The following PTP4A1 variants were observed in gnomAD, a reference collection of about 807,000 sequenced individuals.
The protein encoded by PTP4A1 is protein tyrosine phosphatase type IVA 1.
A neutral mutation model predicts 20.5 loss-of-function variants in PTP4A1; 9 were observed. The ratio of observed to expected loss-of-function variants is 0.44; its 90% confidence interval spans 0.26 to 0.77. The LOEUF (loss-of-function observed/expected upper bound fraction) is 0.77, where lower values mean the gene tolerates loss of function less well. Ranked by LOEUF, PTP4A1 falls within the 30% of genes least tolerant of loss-of-function variation. The pLI, the probability that PTP4A1 is intolerant of heterozygous loss-of-function variation, is 0.19. For synonymous variants in PTP4A1, 78 were observed against 67.4 expected, an observed-to-expected ratio of 1.16 and a Z score of -0.77; for missense variants, 137 against 218.8, an observed-to-expected ratio of 0.63 and a Z score of 2.36.
intron 2 of PTP4A1, among the ~76,000 whole-genome samples, chr6:63,547,610 A>G (rs564738341): frequency 2.5e-4 from 35 of 141,480 alleles, no homozygotes; most frequent in Middle Eastern, 4.2e-3. Context: ...GGTTCATTCC[A>G]TTCTCCTGCC....
chr6:63,531,889 C>T (rs1422774544), intron 2 of PTP4A1, among the ~76,000 whole-genome samples: 1 of 151,646 alleles, frequency 6.6e-6, no homozygotes, highest in African/African-American at 2.4e-5. Flanking sequence ...TGCAACCTTG[C>T]CTCCCGGGTT....
upstream of PTP4A1, among the ~76,000 whole-genome samples, chr6:63,519,040 C>T (rs756308159): frequency 1.3e-5 from 2 of 152,154 alleles, no homozygotes; most frequent in Non-Finnish European, 2.9e-5. Flanking sequence ...ACAGGCCGGG[C>T]ACAGTGGCTC....
chr6:63,530,583 A>C (rs934928878), intron 2 of PTP4A1, among the ~76,000 whole-genome samples: 1 of 152,204 alleles, frequency 6.6e-6, no homozygotes, highest in Admixed American at 6.5e-5. Context: ...ATTTGTGAAC[A>C]TGGAGGCCCT....
At chr6:63,565,559 A>G (rs1446853788) in intron 3 of PTP4A1, among the ~76,000 whole-genome samples, 1 of 152,224 alleles carries the variant, frequency 6.6e-6, no homozygotes, top group African/African-American at 2.4e-5. Context: ...AGCAGGATTC[A>G]TTTATTAATA....
upstream of PTP4A1, among the ~76,000 whole-genome samples, chr6:63,568,124 T>G (rs1777268674): frequency 6.6e-6 from 1 of 152,246 alleles, no homozygotes; most frequent in East Asian, 1.9e-4. Context: ...TTTCTTATCA[T>G]TCCTGTGTTC....
chr6:63,518,067 G>T (rs763557206), upstream of PTP4A1, among the ~76,000 whole-genome samples: 1 of 150,270 alleles, frequency 6.7e-6, no homozygotes, highest in Non-Finnish European at 1.5e-5. Context: ...CAAGAGAATT[G>T]CTTAAACCCG....
upstream of PTP4A1, among the ~76,000 whole-genome samples, chr6:63,570,318 A>G (rs1200225114): frequency 6.6e-6 from 1 of 152,210 alleles, no homozygotes; most frequent in Non-Finnish European, 1.5e-5. Context: ...GCAAAAGAGC[A>G]AGACTCCATC....
At chr6:63,560,365 A>AGAAAAGAAGT (rs1387613564) in intron 3 of PTP4A1, among the ~76,000 whole-genome samples, 1 of 150,916 alleles carries the variant, frequency 6.6e-6, no homozygotes, top group Non-Finnish European at 1.5e-5. Flanking sequence ...AAAGAAAGAA[A>AGAAAAGAAGT]GAAAAGAAGT....
At chr6:63,558,920 T>A (rs1288503580) in intron 3 of PTP4A1, among the ~76,000 whole-genome samples, 1 of 152,156 alleles carries the variant, frequency 6.6e-6, no homozygotes, top group African/African-American at 2.4e-5. Context: ...TAGATAATGC[T>A]CCTAAAGTGT....
chr6:63,579,452 C>A, intron 5 of PTP4A1, 121 bp downstream of exon 5: 1 of 653,798 alleles, frequency 1.5e-6, no homozygotes, highest in Non-Finnish European at 2.4e-6. Context: ...AGTATTAAAA[C>A]CAGGAAATCA....
intron 3 of PTP4A1, among the ~76,000 whole-genome samples, chr6:63,551,934 G>A (rs905762532): frequency 1.3e-5 from 2 of 152,148 alleles, no homozygotes; most frequent in African/African-American, 4.8e-5. Context: ...TCTTAATCCA[G>A]TCTATCACTG....
At chr6:63,541,996 T>C (rs764278639) in intron 2 of PTP4A1, among the ~76,000 whole-genome samples, 18 of 151,158 alleles carry the variant, frequency 1.2e-4, no homozygotes, top group Non-Finnish European at 2.4e-4. Context: ...TTTTAAAAAC[T>C]CTCATTTGGT....
intron 1 of PTP4A1, chr6:63,573,547 G>C (rs1374752965): frequency 2.0e-5 from 3 of 152,272 alleles, no homozygotes; most frequent in Non-Finnish European, 4.4e-5. Flanking sequence ...CGCGTGCGCG[G>C]GGCGGCGGCC....
chr6:63,559,329 T>A (rs1306251940), intron 3 of PTP4A1, among the ~76,000 whole-genome samples: 1 of 152,230 alleles, frequency 6.6e-6, no homozygotes, highest in Non-Finnish European at 1.5e-5. Context: ...TGATAGTGTA[T>A]AAAGCTATTT....
At chr6:63,524,684 C>G (rs1171969472) in intron 1 of PTP4A1, among the ~76,000 whole-genome samples, 6 of 152,186 alleles carry the variant, frequency 3.9e-5, no homozygotes, top group Non-Finnish European at 8.8e-5. Context: ...AAGAGAAATG[C>G]AAAGTGTTAT....
chr6:63,523,398 A>T (rs190202893), intron 1 of PTP4A1, among the ~76,000 whole-genome samples: 1 of 151,930 alleles, frequency 6.6e-6, no homozygotes, highest in Non-Finnish European at 1.5e-5. Context: ...GCCAGGCATG[A>T]TGGGGCATGC....
At chr6:63,553,498 A>G (rs1046465804) in intron 3 of PTP4A1, among the ~76,000 whole-genome samples, 6 of 152,222 alleles carry the variant, frequency 3.9e-5, no homozygotes, top group African/African-American at 1.2e-4. Flanking sequence ...AGACAGGTTA[A>G]TGAAAGCCAG....
intron 2 of PTP4A1, among the ~76,000 whole-genome samples, chr6:63,528,572 A>G (rs1253933950): frequency 1.3e-5 from 2 of 151,964 alleles, no homozygotes; most frequent in East Asian, 3.9e-4. Flanking sequence ...AAAAAATATA[A>G]CAAAACAAAT....
upstream of PTP4A1, among the ~76,000 whole-genome samples, chr6:63,520,913 A>ATC (rs1358251743): frequency 6.6e-6 from 1 of 152,186 alleles, no homozygotes; most frequent in African/African-American, 2.4e-5. Context: ...ATAAAAAAGA[A>ATC]TGAGTTCATG....
Sources: allele counts gnomAD v4.1 joint callset (sites outside exome capture counted in the v4.1 genomes callset), GRCh38; gene constraint gnomAD v4.1.1; transcripts MANE v1.5; gene names NCBI Gene and HGNC (gene_info 2026-07-23, HGNC 2026-07-21).